ZFYVE9: variants seen among roughly 807,000 people sequenced by gnomAD.
The protein encoded by ZFYVE9 is zinc finger FYVE domain-containing protein 9.
ZFYVE9 carries 43 observed loss-of-function variants against 126.7 expected under a neutral mutation model. The observed-to-expected ratio is 0.34, with a 90% CI of 0.27 to 0.44. The LOEUF (loss-of-function observed/expected upper bound fraction) is 0.44. Among genes scored for constraint, ZFYVE9 ranks in the 20% least tolerant of loss-of-function variants. The pLI is 1.00. For missense variants in ZFYVE9, 1,476 were observed against 1,697.0 expected (o/e 0.87, Z 2.29); for synonymous variants, 521 against 597.4 (o/e 0.87, Z 1.87).
At chr1:52,157,316 G>A (rs947029133) in intron 1 of ZFYVE9, among the ~76,000 whole-genome samples, 38 of 150,600 alleles carry the variant, frequency 2.5e-4, no homozygotes, top group African/African-American at 8.3e-4. Context: ...TCCAATTCTG[G>A]CCTTGTTTTG....
At chr1:52,270,165 T>C (rs1645675231) in intron 7 of ZFYVE9, among the ~76,000 whole-genome samples, 1 of 152,210 alleles carries the variant, frequency 6.6e-6, no homozygotes, top group African/African-American at 2.4e-5. Flanking sequence ...AGTCATTTTC[T>C]TATACAACCA....
At chr1:52,185,653 G>A (rs1233890275) in intron 1 of ZFYVE9, among the ~76,000 whole-genome samples, 1 of 152,220 alleles carries the variant, frequency 6.6e-6, no homozygotes, top group Non-Finnish European at 1.5e-5. Flanking sequence ...GCCGGGCACG[G>A]TGGCTCACGC....
At chr1:52,257,477 G>A (rs889864654) in intron 4 of ZFYVE9, among the ~76,000 whole-genome samples, 20 of 152,134 alleles carry the variant, frequency 1.3e-4, no homozygotes, top group South Asian at 4.1e-4. Context: ...CTGGAACATC[G>A]TATAGAATAT....
At chr1:52,143,528 C>G (rs977818415) in intron 1 of ZFYVE9, among the ~76,000 whole-genome samples, 1 of 152,132 alleles carries the variant, frequency 6.6e-6, no homozygotes, top group African/African-American at 2.4e-5. Flanking sequence ...ACCATGTTGG[C>G]TCTTAATAAA....
At chr1:52,287,935 A>C (rs1645878821) in intron 10 of ZFYVE9, among the ~76,000 whole-genome samples, 1 of 152,102 alleles carries the variant, frequency 6.6e-6, no homozygotes, top group Admixed American at 6.6e-5. Context: ...CCTTTTGGTA[A>C]ATTTATTAGA....
chr1:52,266,906 G>A (rs1645639363), intron 6 of ZFYVE9, 75 bp downstream of exon 6: 2 of 1,378,090 alleles, frequency 1.5e-6, no homozygotes, highest in Non-Finnish European at 1.9e-6. Flanking sequence ...TGACTTTACA[G>A]CACAAGTCTT....
At chr1:52,150,750 C>G (rs1471616550) in intron 1 of ZFYVE9, among the ~76,000 whole-genome samples, 1 of 147,270 alleles carries the variant, frequency 6.8e-6, no homozygotes, top group East Asian at 2.0e-4. Flanking sequence ...CCAGCCTGGG[C>G]AACAGGGGAA....
chr1:52,272,029 G>A (rs906278957), intron 7 of ZFYVE9, among the ~76,000 whole-genome samples: 2 of 152,004 alleles, frequency 1.3e-5, no homozygotes, highest in East Asian at 1.9e-4. Flanking sequence ...AGTAAGAGAC[G>A]GTTTCACCAT....
intron 4 of ZFYVE9, 38 bp from the exon 5 acceptor site, chr1:52,263,735 G>A (rs1156932540): frequency 8.7e-7 from 1 of 1,144,930 alleles, no homozygotes; most frequent in Non-Finnish European, 1.2e-6. Flanking sequence ...GCAATCCCAA[G>A]TAAATTTTGT....
chr1:52,147,186 A>T (rs1479878064), intron 1 of ZFYVE9, among the ~76,000 whole-genome samples: 1 of 152,224 alleles, frequency 6.6e-6, no homozygotes, highest in Admixed American at 6.5e-5. Flanking sequence ...TATTTTAGAT[A>T]AGGGATACTC....
chr1:52,300,001 C>G (rs767887894), intron 12 of ZFYVE9, among the ~76,000 whole-genome samples: 1 of 152,200 alleles, frequency 6.6e-6, no homozygotes, highest in Non-Finnish European at 1.5e-5. Flanking sequence ...CCAGCTTACC[C>G]TTTCCCCATT....
chr1:52,312,197 A>G (rs2762829), intron 13 of ZFYVE9, among the ~76,000 whole-genome samples: 142,860 of 152,246 alleles, frequency 0.94, 67,062 homozygotes, highest in East Asian at 1. Context: ...GATGTAGAGG[A>G]CATCTGGGTA....
At chr1:52,266,343 C>T (rs1481851213) in intron 5 of ZFYVE9, among the ~76,000 whole-genome samples, 2 of 149,842 alleles carry the variant, frequency 1.3e-5, no homozygotes, top group African/African-American at 2.5e-5. Context: ...GTGATCCACC[C>T]GCCTCGGCCT....
At chr1:52,175,857 A>C (rs556756060) in intron 1 of ZFYVE9, among the ~76,000 whole-genome samples, 1 of 152,024 alleles carries the variant, frequency 6.6e-6, no homozygotes, top group East Asian at 1.9e-4. Context: ...CAGCTCCTTT[A>C]AGCACTTCTC....
At chr1:52,187,298 C>A (rs902518175) in intron 1 of ZFYVE9, among the ~76,000 whole-genome samples, 6 of 152,166 alleles carry the variant, frequency 3.9e-5, no homozygotes, top group African/African-American at 1.4e-4. Flanking sequence ...CTTCTTTATA[C>A]CATGCACAAA....
rs113889971 is a variant in ZFYVE9 at position 52,230,524 on chromosome 1, T to TA, written c.-36-2630dup. 7.3e-3 allele frequency among the ~76,000 whole-genome samples: 959 copies of TA among 131,574 alleles called. 9 individuals are homozygous for TA. The highest frequency in any genetic ancestry group is 0.023 in the East Asian group (109 of 4,692). The allele number at this position is 131,574 out of a possible 152,430, so 86.3% of individuals were successfully genotyped here. A position where few individuals can be genotyped will look rare whatever the true frequency, so the allele number is the denominator to read the frequency against. ...TGTTCTGCACATGTATCCTGGAACT[T>TA]AAAAAAAAAAAAAAAAAGAATCAGT... On this transcript the variant is annotated intron_variant, in intron 2 of 18. Coordinates refer to ENST00000287727, the MANE Select transcript of ZFYVE9 (RefSeq NM_004799.4).
chr1:52,346,246 G>A lies in ZFYVE9; in HGVS notation c.*25G>A. On this transcript the variant is annotated 3_prime_UTR_variant, in exon 19 of 19. Transcript: ENST00000287727. ...AACAGAGAAGACTTCATTTTTTTCT[G>A]TTCAGACTTGTTGCAACAGCAGTCA... is the stretch of plus-strand genomic sequence containing the variant. 1 of 1,535,632 alleles carries A rather than the reference G, an allele frequency of 6.5e-7. No homozygotes were observed. Among genetic ancestry groups the A allele is most frequent in the Non-Finnish European group, 8.8e-7 (1 of 1,133,822 alleles).
intron 6 of ZFYVE9, among the ~76,000 whole-genome samples, chr1:52,267,730 A>C (rs1293104856): frequency 6.6e-6 from 1 of 151,656 alleles, no homozygotes; most frequent in Admixed American, 6.6e-5. Context: ...TATTCTCTTC[A>C]TTTGTTGTTT....
rs141053062 is a variant in ZFYVE9 at position 52,205,225 on chromosome 1, C to G, written c.-142-11144C>G. ...AAGTAGCTGCGACTACAGCCGTGCA[C>G]CACCACACCTGGCCTATTTTTGTAT... On this transcript the variant is annotated intron_variant, in intron 1 of 18. Transcript: ENST00000287727. Among the ~76,000 whole-genome samples the G allele has an allele frequency of 3.9e-3, 595 of 152,062 alleles. 11 individuals carry two copies. The South Asian group carries it at 0.043, about 11-fold the overall frequency.
Sources: allele counts gnomAD v4.1 joint callset (sites outside exome capture counted in the v4.1 genomes callset), GRCh38; gene constraint gnomAD v4.1.1; transcripts MANE v1.5; gene names NCBI Gene and HGNC (gene_info 2026-07-23, HGNC 2026-07-21).